Variants in SPEF2 observed in about 807,000 individuals in gnomAD.
The protein encoded by SPEF2 is sperm flagellar and cilia associated 2.
Under a neutral mutation model 224.6 loss-of-function variants are expected in SPEF2, and 187 were observed. The observed-to-expected ratio is 0.83, with a 90% confidence interval of 0.74 to 0.94. The LOEUF is 0.94. Ranked by LOEUF, SPEF2 falls within the 40% of genes least tolerant of loss-of-function variation. SPEF2 has a pLI of 0.00. For missense variants in SPEF2, 2,170 were observed against 2,135.6 expected, an observed-to-expected ratio of 1.02 and a Z score of -0.32; for synonymous variants, 715 against 707.3, an observed-to-expected ratio of 1.01 and a Z score of -0.17.
At chr5:35,637,660 G>C (rs1746028140) in intron 2 of SPEF2, among the ~76,000 whole-genome samples, 1 of 152,090 alleles carries the variant, frequency 6.6e-6, no homozygotes, top group Non-Finnish European at 1.5e-5. Flanking sequence ...TGAGCTTCTG[G>C]TGTACAGGGT....
intron 31 of SPEF2, 70 bp from the exon 32 acceptor site, chr5:35,793,089 A>G: frequency 7.1e-7 from 1 of 1,404,096 alleles, no homozygotes; most frequent in Non-Finnish European, 9.8e-7. Context: ...TCACTATGAA[A>G]ATATGAGCAA....
rs10627412 is a variant in SPEF2 at position 35,769,989 on chromosome 5, A to ATGTG, written c.3802-1589_3802-1586dup. Among the ~76,000 whole-genome samples the ATGTG allele has an allele frequency of 3.9e-3, 561 of 142,338 alleles. 9 individuals are homozygous for ATGTG. The highest frequency in any genetic ancestry group is 5.7e-3 in the Non-Finnish European group (375 of 65,410). 93.4% of individuals were successfully genotyped at this position (142,338 alleles called of 152,430 possible). A position where few individuals can be genotyped will look rare whatever the true frequency, so the allele number is the denominator to read the frequency against. ...ACCCTGTGTTGCTACTGCCTCCATA[A>ATGTG]TGTGTGTGTGTGTGTGTGTGTGTGT... On this transcript the variant is annotated intron_variant, in intron 26 of 36. Coordinates refer to ENST00000356031, the MANE Select transcript of SPEF2 (RefSeq NM_024867.4).
At chr5:35,756,631 C>T (rs1750486489) in intron 24 of SPEF2, among the ~76,000 whole-genome samples, 1 of 152,156 alleles carries the variant, frequency 6.6e-6, no homozygotes, top group African/African-American at 2.4e-5. Flanking sequence ...TAGAAAAAGC[C>T]ATCAAGAATC....
chr5:35,720,676 A>G (rs776638285), intron 20 of SPEF2, among the ~76,000 whole-genome samples: 119 of 152,228 alleles, frequency 7.8e-4, no homozygotes, highest in Non-Finnish European at 1.4e-3. Context: ...ATACTTAGAC[A>G]TTAGAATTTT....
At chr5:35,768,253 T>C (rs1310715980) in intron 26 of SPEF2, among the ~76,000 whole-genome samples, 2 of 152,076 alleles carry the variant, frequency 1.3e-5, no homozygotes, top group Non-Finnish European at 2.9e-5. Flanking sequence ...ATGATGATCA[T>C]AGCAGAGACC....
At chr5:35,731,322 T>G (rs1345496874) in intron 21 of SPEF2, among the ~76,000 whole-genome samples, 1 of 152,210 alleles carries the variant, frequency 6.6e-6, no homozygotes, top group Non-Finnish European at 1.5e-5. Flanking sequence ...AGAACTGATT[T>G]GTATTCAGTT....
intron 19 of SPEF2, chr5:35,709,455 A>G: frequency 1.9e-6 from 2 of 1,034,818 alleles, no homozygotes; most frequent in Non-Finnish European, 2.3e-6. Context: ...GCTGAACTAT[A>G]GAGTTACATT....
rs1580386695 is a variant in SPEF2 at position 35,709,669 on chromosome 5, C to A, written c.2839+548C>A. ...TATTTATGGACACAGAGATAAAGAG[C>A]CTAGATAGAGAACACTTTTAGTTTA... On this transcript the variant is annotated intron_variant, in intron 19 of 36. Coordinates refer to ENST00000356031, the MANE Select transcript of SPEF2 (RefSeq NM_024867.4). The A allele has an allele frequency of 4.1e-6, 4 of 985,066 alleles. No individual in the cohort carries two copies. In the East Asian group the frequency reaches 3.4e-4, roughly 84 times the overall value. 61.0% of individuals were successfully genotyped at this position (985,066 alleles called of 1,614,324 possible). A position where few individuals can be genotyped will look rare whatever the true frequency, so the allele number is the denominator to read the frequency against.
intron 26 of SPEF2, among the ~76,000 whole-genome samples, 182 bp downstream of exon 26, chr5:35,763,884 T>C (rs1387674663): frequency 6.6e-6 from 1 of 152,192 alleles, no homozygotes; most frequent in Non-Finnish European, 1.5e-5. Flanking sequence ...ATATTTGAGA[T>C]CATGAAACGA....
chr5:35,706,219 G>A (rs923011236), intron 18 of SPEF2, among the ~76,000 whole-genome samples: 13 of 151,812 alleles, frequency 8.6e-5, no homozygotes, highest in African/African-American at 2.9e-4. Context: ...GTTAGCTTTA[G>A]CATTATAAAG....
intron 2 of SPEF2, among the ~76,000 whole-genome samples, chr5:35,637,341 G>A (rs1745981193): frequency 6.6e-6 from 1 of 152,076 alleles, no homozygotes; most frequent in Admixed American, 6.5e-5. Context: ...ACCGATTTTT[G>A]GAGGTTCTCA....
At chr5:35,685,421 G>C (rs761116276) in intron 10 of SPEF2, among the ~76,000 whole-genome samples, 2 of 151,846 alleles carry the variant, frequency 1.3e-5, no homozygotes, top group Non-Finnish European at 2.9e-5. Context: ...TCAGATAATG[G>C]GTATGAAAAG....
At chr5:35,630,627 C>T (rs568993038) in intron 2 of SPEF2, among the ~76,000 whole-genome samples, 8 of 152,082 alleles carry the variant, frequency 5.3e-5, no homozygotes, top group South Asian at 2.1e-4. Flanking sequence ...ACCCGGGAGG[C>T]GGAGCTTGCA....
intron 30 of SPEF2, chr5:35,789,487 T>C (rs898480968): frequency 6.1e-6 from 4 of 658,264 alleles, no homozygotes; most frequent in Non-Finnish European, 8.2e-6. Context: ...GTGATTTCTT[T>C]TCTCCCCAGA....
intron 19 of SPEF2, chr5:35,710,295 T>A (rs1232928652): frequency 1.0e-6 from 1 of 965,108 alleles, no homozygotes; most frequent in East Asian, 1.1e-4. Context: ...TGGTGGCTCA[T>A]CCCTGTAATC....
At chr5:35,688,752 C>A (rs1480203884) in intron 10 of SPEF2, among the ~76,000 whole-genome samples, 1 of 152,110 alleles carries the variant, frequency 6.6e-6, no homozygotes, top group Non-Finnish European at 1.5e-5. Flanking sequence ...TCAGATTTTT[C>A]TTCTATGAAT....
At chr5:35,723,366 A>G (rs556502099) in intron 20 of SPEF2, among the ~76,000 whole-genome samples, 2 of 152,264 alleles carry the variant, frequency 1.3e-5, no homozygotes, top group Admixed American at 6.5e-5. Context: ...ATAGATACTC[A>G]GCCCCACCCG....
At chr5:35,787,879 G>C in intron 30 of SPEF2, 1 of 574,684 alleles carries the variant, frequency 1.7e-6, no homozygotes, top group Non-Finnish European at 3.1e-6. Flanking sequence ...GGAATCCTTC[G>C]GATGGTGTGA....
At chr5:35,794,438 G>A (rs1250858663) in intron 32 of SPEF2, among the ~76,000 whole-genome samples, 1 of 152,098 alleles carries the variant, frequency 6.6e-6, no homozygotes, top group Non-Finnish European at 1.5e-5. Context: ...TCATGGAGTT[G>A]AGCCAGAAGG....
Sources: allele counts gnomAD v4.1 joint callset (sites outside exome capture counted in the v4.1 genomes callset), GRCh38; gene constraint gnomAD v4.1.1; transcripts MANE v1.5; gene names NCBI Gene and HGNC (gene_info 2026-07-23, HGNC 2026-07-21).